The following SIGLEC5 variants were observed in gnomAD, a reference collection of about 807,000 sequenced individuals.
The protein encoded by SIGLEC5 is sialic acid binding Ig like lectin 5, also known as sialic acid-binding Ig-like lectin 5.
In SIGLEC5, 34 loss-of-function variants were observed where a neutral mutation model predicts 45.9. The ratio of observed to expected loss-of-function variants is 0.74; its 90% CI spans 0.56 to 0.99. The LOEUF is 0.99. SIGLEC5 is among the 50% of genes least tolerant of loss of function. The pLI is 0.00. For missense variants in SIGLEC5, 508 were observed against 629.6 expected (o/e 0.81, Z 2.07); for synonymous variants, 203 against 258.6 (o/e 0.79, Z 2.06).
Position 51,628,524 on chromosome 19 carries a change from G to T in SIGLEC5, c.740-433C>A, listed in dbSNP as rs1054313946. Among the ~76,000 whole-genome samples, 4 of 152,204 alleles carry T rather than the reference G, an allele frequency of 2.6e-5. 1 individual carries two copies. Among genetic ancestry groups the T allele is most frequent in the African/African-American group, 7.2e-5 (3 of 41,436 alleles). On this transcript the variant is annotated intron_variant, in intron 4 of 8. Coordinates refer to ENST00000683636, the MANE Select transcript of SIGLEC5 (RefSeq NM_003830.4). ...AGACCACAGGAGGGATGGGAGATGGGTGGGGTCTAAAGTCTGTTCACTGCT... is the reference window on the plus strand; with the variant it reads ...AGACCACAGGAGGGATGGGAGATGGTTGGGGTCTAAAGTCTGTTCACTGCT...
In SIGLEC5 at chr19:51,618,443, T is replaced by TAAAAAAAAAAA. The variant is rs1228951315; in HGVS notation, c.1465-6032_1465-6022dup. Among the ~76,000 whole-genome samples the TAAAAAAAAAAA allele has an allele frequency of 5.9e-4, 29 of 49,450 alleles. 1 individual carries two copies. The highest frequency in any genetic ancestry group is 7.9e-4 in the Non-Finnish European group (23 of 29,288). The allele number at this position is 49,450 out of a possible 152,430, so 32.4% of individuals were successfully genotyped here. The stretch of plus-strand genomic sequence containing the variant: ...CCGCATGAGTGAGTGAGACCCTGCC[T>TAAAAAAAAAAA]AAAAAAAAAAAAAAAAAAAAAAAAA... On this transcript the variant is annotated intron_variant, in intron 8 of 8. Coordinates refer to ENST00000683636, the MANE Select transcript of SIGLEC5 (RefSeq NM_003830.4).
chr19:51,626,406 C>G (rs759806438), intron 7 of SIGLEC5, among the ~76,000 whole-genome samples: 60 of 152,088 alleles, frequency 3.9e-4, no homozygotes, highest in Admixed American at 2.2e-3. Context: ...CAGAGGCAAC[C>G]CAAGTACCCG....
chr19:51,627,275 C>A (rs1327419034), intron 6 of SIGLEC5, 27 bp from the exon 7 acceptor site: 1 of 1,600,716 alleles, frequency 6.2e-7, no homozygotes, highest in South Asian at 1.1e-5. Flanking sequence ...CGTGCAATAA[C>A]TCACTCCCAG....
At chr19:51,613,493 C>G (rs1042748745) in intron 8 of SIGLEC5, among the ~76,000 whole-genome samples, 1 of 152,034 alleles carries the variant, frequency 6.6e-6, no homozygotes, top group African/African-American at 2.4e-5. Context: ...TCTGATTTCT[C>G]ACACTGTACG....
At chr19:51,615,283 C>G (rs1270845699) in intron 8 of SIGLEC5, among the ~76,000 whole-genome samples, 1 of 152,174 alleles carries the variant, frequency 6.6e-6, no homozygotes, top group Admixed American at 6.5e-5. Flanking sequence ...ATCAATCACA[C>G]TGATATCCCT....
Position 51,612,434 on chromosome 19 carries a change from G to A in SIGLEC5, c.1465-12C>T. 1 of 1,587,016 alleles carries A rather than the reference G, an allele frequency of 6.3e-7. No homozygotes were observed. The highest frequency in any genetic ancestry group is 8.6e-7 in the Non-Finnish European group (1 of 1,164,742). ...TTCTTCCTGGAACCCTGAGTAAAGGGGAAGGAAAGGTGTCACAGTAGGAAT... is the reference window on the plus strand; with the variant it reads ...TTCTTCCTGGAACCCTGAGTAAAGGAGAAGGAAAGGTGTCACAGTAGGAAT... On this transcript the variant is annotated splice_polypyrimidine_tract_variant and intron_variant, in intron 8 of 8. Transcript: ENST00000683636.
At chr19:51,627,782 TCTTC>T in intron 5 of SIGLEC5, 36 bp from the exon 6 acceptor site, 1 of 1,567,202 alleles carries the variant, frequency 6.4e-7, no homozygotes, top group South Asian at 1.2e-5. Flanking sequence ...GCAGGGGGCC[TCTTC>T]CTTCTTTAAT....
chr19:51,628,658 G>T (rs375195364), intron 4 of SIGLEC5, among the ~76,000 whole-genome samples: 120 of 150,996 alleles, frequency 7.9e-4, no homozygotes, highest in Middle Eastern at 3.4e-3. Flanking sequence ...TGTGGTGTAT[G>T]TGCATGTGTG....
intron 8 of SIGLEC5, among the ~76,000 whole-genome samples, chr19:51,624,814 C>T (rs1474290258): frequency 1.3e-5 from 2 of 151,876 alleles, no homozygotes; most frequent in Non-Finnish European, 2.9e-5. Flanking sequence ...ACTAAAAATA[C>T]AAAAATTAGC....
rs201520009 is a variant in SIGLEC5 at position 51,612,456 on chromosome 19, G to T, written c.1465-34C>A. 5.7e-5 allele frequency: 82 copies of T among 1,446,276 alleles called. 1 individual carries two copies. The East Asian group carries it at 1.9e-3, about 33-fold the overall frequency. 89.6% of individuals were successfully genotyped at this position (1,446,276 alleles called of 1,614,324 possible). A position where few individuals can be genotyped will look rare whatever the true frequency, so the allele number is the denominator to read the frequency against. On this transcript the variant is annotated intron_variant, in intron 8 of 8. Transcript: ENST00000683636. Reference sequence around the variant, plus strand: ...AGGGGAAGGAAAGGTGTCACAGTAGGAATAAAGAGGCAGGTGTAGAATAAT... The same window carrying T: ...AGGGGAAGGAAAGGTGTCACAGTAGTAATAAAGAGGCAGGTGTAGAATAAT...
intron 8 of SIGLEC5, among the ~76,000 whole-genome samples, chr19:51,620,621 G>C (rs1983251075): frequency 6.6e-6 from 1 of 152,220 alleles, no homozygotes; most frequent in Non-Finnish European, 1.5e-5. Context: ...ACAGAACCAA[G>C]TGGCAGGATA....
intron 7 of SIGLEC5, 67 bp downstream of exon 7, chr19:51,627,082 T>G: frequency 7.9e-7 from 1 of 1,266,674 alleles, no homozygotes; most frequent in Non-Finnish European, 1.1e-6. Context: ...GCTCTGTGTT[T>G]CTGAGATTCA....
chr19:51,629,024 G>T lies in SIGLEC5; in HGVS notation c.739+14C>A, dbSNP rs1983621603. ...AGAGGCAGGTCCCAGCTTCAGAGAG[G>T]AGGTCTTTCCTACCTATGCCGTTCC... On this transcript the variant is annotated intron_variant, in intron 4 of 8. Transcript: ENST00000683636. The T allele has an allele frequency of 6.2e-7, 1 of 1,612,726 alleles. No individual in the cohort carries two copies. Among genetic ancestry groups the T allele is most frequent in the African/African-American group, 1.3e-5 (1 of 74,958 alleles).
At position 51,627,627 on chromosome 19, in the gene SIGLEC5, C is replaced by A. The variant is rs1363551058; in HGVS notation, c.1117G>T (p.Glu373Ter). 1.2e-6 allele frequency: 2 copies of A among 1,612,594 alleles called. No homozygotes were observed. The highest frequency in any genetic ancestry group is 1.7e-6 in the Non-Finnish European group (2 of 1,179,728). The part of the protein sequence containing the change: ...LCWRLEEKPL[E>*]GNSSQGSFKV... Reference sequence around the variant, plus strand: ...AATGAGCCCTGGCTGCTGTTCCCCTCCAGCGGCTTCTCCTCAAGCCGCCAG... The same window carrying A: ...AATGAGCCCTGGCTGCTGTTCCCCTACAGCGGCTTCTCCTCAAGCCGCCAG... The change falls in exon 6 of 9, where the codon GAG becomes TAG. Residue 373 changes from glutamate (E) to a stop codon, truncating the protein, a stop_gained. Coordinates refer to ENST00000683636, the MANE Select transcript of SIGLEC5 (RefSeq NM_003830.4). LOFTEE classifies it high-confidence loss of function.
At chr19:51,622,617 C>G (rs1257340024) in intron 8 of SIGLEC5, among the ~76,000 whole-genome samples, 1 of 152,016 alleles carries the variant, frequency 6.6e-6, no homozygotes, top group Non-Finnish European at 1.5e-5. Context: ...GAATAGAGAC[C>G]ACAGAAAGAG....
chr19:51,615,840 G>A (rs1887909671), intron 8 of SIGLEC5, among the ~76,000 whole-genome samples: 2 of 152,156 alleles, frequency 1.3e-5, no homozygotes, highest in Non-Finnish European at 2.9e-5. Flanking sequence ...GCAATGGCAT[G>A]ATCTCGGCTC....
At chr19:51,618,653 A>C (rs1983163701) in intron 8 of SIGLEC5, among the ~76,000 whole-genome samples, 1 of 151,386 alleles carries the variant, frequency 6.6e-6, no homozygotes, top group Non-Finnish European at 1.5e-5. Context: ...TTACCTGGGC[A>C]TGGTGGCGGG....
chr19:51,626,040 T>G lies in SIGLEC5; in HGVS notation c.1456A>C (p.Ile486Leu). 1 of 1,613,606 alleles carries G rather than the reference T, an allele frequency of 6.2e-7. No homozygotes were observed. Among genetic ancestry groups the G allele is most frequent in the Middle Eastern group, 1.7e-4 (1 of 5,938 alleles). ...MDDEDPIMGT[I>L]TSGSRKKPWP... ...ATCCCCAAACCACTCACCGAGGTGA[T>G]GGTACCCATAATGGGGTCTTCATCA... Residue 486 changes from isoleucine (I) to leucine (L), a missense_variant, in exon 8 of 9, where the codon ATC becomes CTC. Transcript: ENST00000683636.
chr19:51,612,106 T>TA lies in SIGLEC5; in HGVS notation c.*124dup. On this transcript the variant is annotated 3_prime_UTR_variant, in exon 9 of 9. Transcript: ENST00000683636. The stretch of plus-strand genomic sequence containing the variant: ...TCTAATTCCATCTGCTTGGAGCACT[T>TA]AAACATCAGTTAATGTTAACATTGC... 7 of 219,240 alleles carry TA rather than the reference T, an allele frequency of 3.2e-5. No individual in the cohort carries two copies. The highest frequency in any genetic ancestry group is 5.2e-5 in the Non-Finnish European group (7 of 133,730). 13.6% of individuals were successfully genotyped at this position (219,240 alleles called of 1,614,324 possible).
Sources: gnomAD v4.1 joint callset for allele counts (sites outside exome capture counted in the v4.1 genomes callset) on GRCh38, gnomAD v4.1.1 for gene constraint, MANE v1.5 for transcripts, NCBI Gene and HGNC (gene_info 2026-07-23, HGNC 2026-07-21) for gene names.